DNAH11: variants seen among roughly 807,000 people sequenced by gnomAD.
DNAH11 encodes dynein axonemal heavy chain 11, also known as axonemal beta dynein heavy chain 11.
Under a neutral mutation model 526.0 loss-of-function variants are expected in DNAH11, and 442 were observed. The ratio of observed to expected loss-of-function variants is 0.84; its 90% CI spans 0.78 to 0.91. DNAH11 has a LOEUF of 0.91. Ranked by LOEUF, DNAH11 falls within the 40% of genes least tolerant of loss-of-function variation. DNAH11 has a pLI of 0.00. For missense variants in DNAH11, 6,989 were observed against 5,448.7 expected (o/e 1.28, Z -8.90); for synonymous variants, 2,461 against 1,935.9 (o/e 1.27, Z -7.12).
chr7:21,887,889 A>G (rs1042388181), intron 76 of DNAH11, among the ~76,000 whole-genome samples: 1 of 152,170 alleles, frequency 6.6e-6, no homozygotes, highest in Admixed American at 6.5e-5. Flanking sequence ...CTGAACCAGA[A>G]TTTAAACTCG....
intron 68 of DNAH11, among the ~76,000 whole-genome samples, chr7:21,861,177 A>T (rs1028638452): frequency 2.0e-5 from 3 of 152,198 alleles, no homozygotes; most frequent in Admixed American, 6.5e-5. Context: ...ACAGTTGTTT[A>T]ATGGGTACAG....
chr7:21,685,162 G>C (rs1467140292), intron 32 of DNAH11, among the ~76,000 whole-genome samples: 1 of 152,182 alleles, frequency 6.6e-6, no homozygotes, highest in Non-Finnish European at 1.5e-5. Flanking sequence ...AGCATTCACT[G>C]TCCTCATTAG....
Position 21,773,757 on chromosome 7 carries a change from T to A in DNAH11, c.9103-9T>A, listed in dbSNP as rs750628819. ...GATTTCACATGAACTGTAATGTTTG[T>A]GTTTTCAGCCAGTGCACAAAGACTC... On this transcript the variant is annotated splice_polypyrimidine_tract_variant and intron_variant, in intron 55 of 81. Coordinates refer to ENST00000409508, the MANE Select transcript of DNAH11 (RefSeq NM_001277115.2). The A allele has an allele frequency of 4.7e-6, 7 of 1,503,566 alleles. No individual in the cohort carries two copies. The highest frequency in any genetic ancestry group is 6.2e-6 in the Non-Finnish European group (7 of 1,120,304). The allele number at this position is 1,503,566 out of a possible 1,614,324, so 93.1% of individuals were successfully genotyped here.
intron 54 of DNAH11, among the ~76,000 whole-genome samples, chr7:21,763,352 A>AAAAAAAAAAAG (rs1787012273): frequency 8.9e-6 from 1 of 112,328 alleles, no homozygotes; most frequent in Non-Finnish European, 1.9e-5. Flanking sequence ...AAAAAAAAAA[A>AAAAAAAAAAAG]AAAAGAAAAA....
intron 54 of DNAH11, among the ~76,000 whole-genome samples, chr7:21,757,705 G>A (rs970757204): frequency 6.6e-6 from 1 of 152,152 alleles, no homozygotes. Context: ...GACAAGGTGG[G>A]TGATTTCCTC....
intron 73 of DNAH11, 85 bp downstream of exon 73, chr7:21,869,076 C>CT (rs1339942358): frequency 6.4e-7 from 1 of 1,568,256 alleles, no homozygotes; most frequent in East Asian, 2.3e-5. Flanking sequence ...AGAATGCTCC[C>CT]TTAACACCGC....
intron 51 of DNAH11, among the ~76,000 whole-genome samples, chr7:21,746,897 G>A (rs114582894): frequency 1.7e-3 from 265 of 152,226 alleles, no homozygotes; most frequent in African/African-American, 6.0e-3. Flanking sequence ...GTGTATGGGC[G>A]TCCTGGCTGA....
At chr7:21,619,737 T>C (rs1355894876) in intron 24 of DNAH11, among the ~76,000 whole-genome samples, 1 of 152,184 alleles carries the variant, frequency 6.6e-6, no homozygotes, top group Admixed American at 6.5e-5. Flanking sequence ...TCACATTCAG[T>C]AGAAGTTTGA....
chr7:21,610,866 A>G (rs1388851428), intron 20 of DNAH11, among the ~76,000 whole-genome samples: 2 of 152,258 alleles, frequency 1.3e-5, no homozygotes, highest in African/African-American at 2.4e-5. Flanking sequence ...ACGCATAGAA[A>G]GAAGTTAGAA....
intron 65 of DNAH11, among the ~76,000 whole-genome samples, chr7:21,822,238 C>A (rs191079179): frequency 6.6e-6 from 1 of 152,108 alleles, no homozygotes; most frequent in African/African-American, 2.4e-5. Context: ...GCATCTGCTT[C>A]TGGTGAAGCC....
intron 54 of DNAH11, among the ~76,000 whole-genome samples, chr7:21,760,880 A>G (rs1420920673): frequency 6.6e-6 from 1 of 152,136 alleles, no homozygotes; most frequent in Non-Finnish European, 1.5e-5. Flanking sequence ...TAAAATGACT[A>G]TTCACGTGCA....
At chr7:21,767,998 T>G (rs1359544571) in intron 55 of DNAH11, among the ~76,000 whole-genome samples, 1 of 152,178 alleles carries the variant, frequency 6.6e-6, no homozygotes, top group African/African-American at 2.4e-5. Flanking sequence ...TAATTTTCCA[T>G]CAGTACACAC....
intron 28 of DNAH11, among the ~76,000 whole-genome samples, chr7:21,639,944 T>A (rs951224981): frequency 1.3e-5 from 2 of 152,218 alleles, no homozygotes; most frequent in Non-Finnish European, 2.9e-5. Context: ...CTGTTCACAT[T>A]GCAGTTCCCT....
At chr7:21,635,052 C>T (rs1017521576) in intron 25 of DNAH11, among the ~76,000 whole-genome samples, 2 of 152,004 alleles carry the variant, frequency 1.3e-5, no homozygotes, top group African/African-American at 4.8e-5. Flanking sequence ...CAAAAACAAG[C>T]ACTGGTGATA....
rs1784357897 is a variant in DNAH11 at position 21,892,445 on chromosome 7, G to A, written c.12528G>A (p.Leu4176=). 1 of 1,611,586 alleles carries A rather than the reference G, an allele frequency of 6.2e-7. No homozygotes were observed. The highest frequency in any genetic ancestry group is 1.1e-5 in the South Asian group (1 of 90,884). The change falls in exon 77 of 82, where the codon CTG becomes CTA. Residue 4176 remains leucine (L), a synonymous_variant. Coordinates refer to ENST00000409508, the MANE Select transcript of DNAH11 (RefSeq NM_001277115.2). ...NPSLTEDELM[L]APGFAAPPYL... ...TCAAGACTGAAGATGAACTGATGCT[G>A]GCACCAGGTTTTGCTGCCCCACCCT...
chr7:21,610,560 A>T (rs1785480742), intron 20 of DNAH11, among the ~76,000 whole-genome samples: 1 of 152,222 alleles, frequency 6.6e-6, no homozygotes, highest in South Asian at 2.1e-4. Flanking sequence ...GAAACCACGG[A>T]TAGAGATGCA....
At chr7:21,752,740 T>A (rs973048857) in intron 54 of DNAH11, among the ~76,000 whole-genome samples, 4 of 152,274 alleles carry the variant, frequency 2.6e-5, no homozygotes, top group Admixed American at 2.6e-4. Context: ...GAGACAGAGT[T>A]TCACTCTTGT....
At chr7:21,663,469 G>A (rs898395812) in intron 30 of DNAH11, among the ~76,000 whole-genome samples, 17 of 151,634 alleles carry the variant, frequency 1.1e-4, no homozygotes, top group Admixed American at 8.6e-4. Flanking sequence ...TTTTTTTTCC[G>A]CATCTTCACC....
At chr7:21,818,194 C>T (rs763122640) in intron 64 of DNAH11, 23 bp from the exon 65 acceptor site, 4 of 1,604,524 alleles carry the variant, frequency 2.5e-6, no homozygotes, top group East Asian at 2.2e-5. Flanking sequence ...ATTTTATTAT[C>T]TCAAATCCCA....
Sources: gnomAD v4.1 joint callset for allele counts (sites outside exome capture counted in the v4.1 genomes callset) on GRCh38, gnomAD v4.1.1 for gene constraint, MANE v1.5 for transcripts, NCBI Gene and HGNC (gene_info 2026-07-23, HGNC 2026-07-21) for gene names.